The following TRAM2 variants were observed in gnomAD, a reference collection of about 807,000 sequenced individuals.
The protein encoded by TRAM2 is translocating chain-associated membrane protein 2.
In TRAM2, 12 loss-of-function variants were observed where a neutral mutation model predicts 51.0. The ratio of observed to expected loss-of-function variants is 0.24; its 90% CI spans 0.15 to 0.38. The LOEUF is 0.38. Ranked by LOEUF, TRAM2 falls within the 10% of genes least tolerant of loss-of-function variation. The probability of loss-of-function intolerance (pLI) is 1.00; values close to 1 mark genes in which losing one functional copy is unlikely to be tolerated. For missense variants in TRAM2, 361 were observed against 462.0 expected, an observed-to-expected ratio of 0.78 and a Z score of 2.00; for synonymous variants, 175 against 179.4, an observed-to-expected ratio of 0.98 and a Z score of 0.20.
chr6:52,553,546 C>G (rs1767348332), intron 1 of TRAM2, among the ~76,000 whole-genome samples: 1 of 152,212 alleles, frequency 6.6e-6, no homozygotes, highest in Admixed American at 6.5e-5. Context: ...CCTGCTCCAG[C>G]CTCACCTCCT....
intron 1 of TRAM2, among the ~76,000 whole-genome samples, chr6:52,552,597 C>T (rs549020497): frequency 2.5e-4 from 38 of 152,302 alleles, no homozygotes; most frequent in Non-Finnish European, 4.9e-4. Context: ...CCCTTTGTAT[C>T]CACGGATTCT....
intron 1 of TRAM2, among the ~76,000 whole-genome samples, chr6:52,536,377 A>C (rs1766977750): frequency 1.3e-5 from 2 of 152,250 alleles, no homozygotes; most frequent in Non-Finnish European, 1.5e-5. Context: ...TGGGGCCAGA[A>C]GTAACATCCC....
intron 1 of TRAM2, among the ~76,000 whole-genome samples, chr6:52,568,387 G>A (rs1435201372): frequency 6.6e-6 from 1 of 152,194 alleles, no homozygotes; most frequent in East Asian, 1.9e-4. Context: ...AGTTGATCAA[G>A]TACAAAGTTG....
At position 52,550,461 on chromosome 6, in the gene TRAM2, T is replaced by C. The variant is rs75945113; in HGVS notation, c.121-14615A>G. 4.5e-3 allele frequency among the ~76,000 whole-genome samples: 688 copies of C among 152,344 alleles called. 8 individuals are homozygous for C. Among genetic ancestry groups the C allele is most frequent in the African/African-American group, 0.015 (639 of 41,574 alleles). On this transcript the variant is annotated intron_variant, in intron 1 of 10. Coordinates refer to ENST00000182527, the MANE Select transcript of TRAM2 (RefSeq NM_012288.4). ...CTGTTGGGACTCTGACTGATGGAGA[T>C]ATGCTACTCAAATAAAAGAATACTA...
chr6:52,531,199 C>G (rs1197788406), intron 2 of TRAM2, among the ~76,000 whole-genome samples: 2 of 143,632 alleles, frequency 1.4e-5, no homozygotes, highest in Non-Finnish European at 3.0e-5. Flanking sequence ...TTTTAAAAAT[C>G]ACAACCTTAA....
chr6:52,502,699 C>G lies in TRAM2; in HGVS notation c.*498G>C, dbSNP rs1766256462. On this transcript the variant is annotated 3_prime_UTR_variant, in exon 11 of 11. Transcript: ENST00000182527. Reference sequence around the variant, plus strand: ...CCGAGATGGCCGCTCTCTTCTTGCCCATCCACATGAGGACCACCAAGGGCC... The same window carrying G: ...CCGAGATGGCCGCTCTCTTCTTGCCGATCCACATGAGGACCACCAAGGGCC... 6.2e-6 allele frequency: 1 copy of G among 162,104 alleles called. No individual in the cohort carries two copies. Among genetic ancestry groups the G allele is most frequent in the Middle Eastern group, 3.0e-3 (1 of 336 alleles). 10.0% of individuals were successfully genotyped at this position (162,104 alleles called of 1,614,324 possible).
At chr6:52,562,125 C>T (rs1227721818) in intron 1 of TRAM2, among the ~76,000 whole-genome samples, 1 of 151,970 alleles carries the variant, frequency 6.6e-6, no homozygotes, top group Non-Finnish European at 1.5e-5. Flanking sequence ...GGTAATTCCA[C>T]TTTACCACTC....
chr6:52,509,687 TGACAGAAA>T (rs1766419186), intron 4 of TRAM2, 101 bp from the exon 5 acceptor site: 2 of 973,634 alleles, frequency 2.1e-6, no homozygotes, highest in Non-Finnish European at 3.2e-6. Flanking sequence ...AGTCCCCACC[TGACAGAAA>T]GAGGAAGGAA....
intron 1 of TRAM2, among the ~76,000 whole-genome samples, chr6:52,574,924 G>A (rs551626075): frequency 3.3e-5 from 5 of 152,286 alleles, no homozygotes; most frequent in Admixed American, 2.0e-4. Flanking sequence ...GGCTATGCGA[G>A]AAACTTCGTC....
chr6:52,516,369 A>G, intron 3 of TRAM2: 1 of 590,670 alleles, frequency 1.7e-6, no homozygotes, highest in Non-Finnish European at 3.0e-6. Context: ...CAATTACTCA[A>G]TGTGCCCCAG....
rs754324999 is a variant in TRAM2, at chr6:52,504,704, C to T, written c.926G>A (p.Arg309His). 1.5e-5 allele frequency: 24 copies of T among 1,612,194 alleles called. No homozygotes were observed. Among genetic ancestry groups the T allele is most frequent in the Admixed American group, 1.2e-4 (7 of 59,862 alleles). Residue 309 changes from arginine (R) to histidine (H), a missense_variant, in exon 10 of 11, where the codon CGC becomes CAC. Coordinates refer to ENST00000182527, the MANE Select transcript of TRAM2 (RefSeq NM_012288.4). ...VCAAQAWLMW[R>H]FIHSQLRHWR... ...GTGCCGCAGCTGGGAGTGGATGAAGCGCCACATGAGCCAGGCCTGGGCGGC... is the reference window on the plus strand; with the variant it reads ...GTGCCGCAGCTGGGAGTGGATGAAGTGCCACATGAGCCAGGCCTGGGCGGC...
chr6:52,502,950 A>T lies in TRAM2; in HGVS notation c.*247T>A. ...GAAAAGCCAGCACAGGACAGGAGTG[A>T]GGACAGGAGGTGGCCTGAGGGGGAG... On this transcript the variant is annotated 3_prime_UTR_variant, in exon 11 of 11. Transcript: ENST00000182527. 1 of 574,430 alleles carries T rather than the reference A, an allele frequency of 1.7e-6. No individual in the cohort carries two copies. The highest frequency in any genetic ancestry group is 3.1e-6 in the Non-Finnish European group (1 of 322,446). 35.6% of individuals were successfully genotyped at this position (574,430 alleles called of 1,614,324 possible). A position where few individuals can be genotyped will look rare whatever the true frequency, so the allele number is the denominator to read the frequency against.
intron 10 of TRAM2, among the ~76,000 whole-genome samples, chr6:52,503,913 G>A (rs534360223): frequency 2.0e-5 from 3 of 152,148 alleles, no homozygotes; most frequent in Admixed American, 1.3e-4. Flanking sequence ...CCAGCTGCGC[G>A]CGTGTCTGGT....
chr6:52,563,694 C>CAAAAAA (rs556665738), intron 1 of TRAM2, among the ~76,000 whole-genome samples: 1 of 77,262 alleles, frequency 1.3e-5, no homozygotes, highest in Non-Finnish European at 2.4e-5. Flanking sequence ...GACTCAGCCT[C>CAAAAAA]AAAAAAAAAA....
chr6:52,517,925 CAG>C (rs1258287005), intron 2 of TRAM2, among the ~76,000 whole-genome samples: 1 of 152,124 alleles, frequency 6.6e-6, no homozygotes, highest in Non-Finnish European at 1.5e-5. Flanking sequence ...GTGGCGAGGA[CAG>C]AGAGAACATG....
intron 7 of TRAM2, 49 bp downstream of exon 7, chr6:52,507,504 T>C (rs776297697): frequency 6.3e-7 from 1 of 1,582,912 alleles, no homozygotes; most frequent in Non-Finnish European, 8.7e-7. Context: ...GACAGATGCA[T>C]GGACATAAAA....
At chr6:52,551,617 C>T (rs1169752567) in intron 1 of TRAM2, among the ~76,000 whole-genome samples, 1 of 152,252 alleles carries the variant, frequency 6.6e-6, no homozygotes, top group Non-Finnish European at 1.5e-5. Context: ...CTTCCCTGGC[C>T]CGTGTAAACA....
chr6:52,535,699 T>A (rs1000394479), intron 2 of TRAM2, 84 bp downstream of exon 2: 60 of 1,254,878 alleles, frequency 4.8e-5, no homozygotes, highest in Middle Eastern at 2.0e-4. Flanking sequence ...AAAAAAAAAA[T>A]TGTACACAGA....
intron 7 of TRAM2, 25 bp downstream of exon 7, chr6:52,507,528 T>C: frequency 6.2e-7 from 1 of 1,613,134 alleles, no homozygotes; most frequent in South Asian, 1.1e-5. Flanking sequence ...CAAGGAAATC[T>C]GGCTGGCTCC....
Sources: gnomAD v4.1 joint callset for allele counts (sites outside exome capture counted in the v4.1 genomes callset) on GRCh38, gnomAD v4.1.1 for gene constraint, MANE v1.5 for transcripts, NCBI Gene and HGNC (gene_info 2026-07-23, HGNC 2026-07-21) for gene names.